The following FAT2 variants were observed in gnomAD, a reference collection of about 807,000 sequenced individuals.
FAT2 encodes the protein FAT atypical cadherin 2.
FAT2 carries 150 observed loss-of-function variants against 295.3 expected under a neutral mutation model. That is an observed-to-expected ratio of 0.51 (90% confidence interval 0.44 to 0.58). The LOEUF (loss-of-function observed/expected upper bound fraction) is 0.58, where lower values mean the gene tolerates loss of function less well. Ranked by LOEUF, FAT2 falls within the 20% of genes least tolerant of loss-of-function variation. The pLI is 0.00. For missense variants in FAT2, 4,868 were observed against 5,442.7 expected, an observed-to-expected ratio of 0.89 and a Z score of 3.32; for synonymous variants, 2,026 against 2,150.3, an observed-to-expected ratio of 0.94 and a Z score of 1.60.
intron 7 of FAT2, 39 bp from the exon 8 acceptor site, chr5:151,550,910 C>A: frequency 6.3e-7 from 1 of 1,596,710 alleles, no homozygotes; most frequent in Non-Finnish European, 8.5e-7. Context: ...ACTGCAAGCC[C>A]CAGGGGAACA....
intron 1 of FAT2, among the ~76,000 whole-genome samples, chr5:151,583,861 G>A (rs147319989): frequency 1.3e-4 from 19 of 151,708 alleles, no homozygotes; most frequent in Middle Eastern, 3.4e-3. Flanking sequence ...AGCTGGGTGC[G>A]ATGACACACA....
intron 21 of FAT2, chr5:151,511,844 G>C: frequency 3.4e-6 from 1 of 294,644 alleles, no homozygotes; most frequent in Non-Finnish European, 6.3e-6. Flanking sequence ...ATAAGTTAAA[G>C]GGGAATGAGA....
intron 9 of FAT2, 120 bp downstream of exon 9, chr5:151,549,175 T>C (rs1228934694): frequency 2.3e-6 from 2 of 872,862 alleles, no homozygotes; most frequent in Non-Finnish European, 3.5e-6. Context: ...CTAGAATTAT[T>C]GTTTGCCAAG....
Position 151,567,134 on chromosome 5 carries a change from C to T in FAT2, c.1798G>A (p.Glu600Lys), listed in dbSNP as rs577408443. The T allele has an allele frequency of 1.3e-5, 21 of 1,614,004 alleles. No homozygotes were observed. The highest frequency in any genetic ancestry group is 3.3e-5 in the Admixed American group (2 of 60,006). Residue 600 changes from glutamate to lysine, a missense_variant, in exon 2 of 24, where the codon GAG (glutamate) becomes AAG (lysine). This residue lies in a region of FAT2 where 3,297 missense variants were observed against 3,669.4 expected (regional missense o/e 0.90). Coordinates refer to ENST00000261800, the MANE Select transcript of FAT2 (RefSeq NM_001447.3). ...DVDELQNLKY[E>K]IVSGNELEYF... Reference sequence around the variant, plus strand: ...TCTAGTTCATTGCCTGATACAATCTCGTATTTTAGGTTCTGAAGCTCATCC... The same window carrying T: ...TCTAGTTCATTGCCTGATACAATCTTGTATTTTAGGTTCTGAAGCTCATCC...
chr5:151,528,217 C>T (rs1048629687), intron 15 of FAT2, 84 bp from the exon 16 acceptor site: 4 of 1,512,182 alleles, frequency 2.6e-6, no homozygotes, highest in Non-Finnish European at 3.6e-6. Context: ...ATGTCCCTGC[C>T]CCAGTGACTG....
rs111796070 is a variant in FAT2 at position 151,540,484 on chromosome 5, T to A, written c.9039+83A>T. The A allele has an allele frequency of 9.2e-5, 120 of 1,305,152 alleles. No individual in the cohort carries two copies. In the African/African-American group the frequency reaches 1.6e-3, roughly 17 times the overall value. The allele number at this position is 1,305,152 out of a possible 1,614,324, so 80.8% of individuals were successfully genotyped here. A position where few individuals can be genotyped will look rare whatever the true frequency, so the allele number is the denominator to read the frequency against. ...TCCTGCCCCTCAATCTCCCTTCTCC[T>A]GCTCCTCACTCTCTGTTCTCCCACC... On this transcript the variant is annotated intron_variant, in intron 11 of 23. Coordinates refer to ENST00000261800, the MANE Select transcript of FAT2 (RefSeq NM_001447.3).
chr5:151,522,380 T>C lies in FAT2; in HGVS notation c.10507-294A>G, dbSNP rs528509318. ...CTCTCTGAGCCTCTTCCTAAATCTC[T>C]CCAGCCATAGACTTGGGCTAACTTC... On this transcript the variant is annotated intron_variant, in intron 18 of 23. Transcript: ENST00000261800. 1.2e-4 allele frequency among the ~76,000 whole-genome samples: 19 copies of C among 152,348 alleles called. No homozygotes were observed. In the South Asian group the frequency reaches 3.9e-3, roughly 32 times the overall value.
chr5:151,512,585 G>C lies in FAT2; in HGVS notation c.11485C>G (p.Leu3829Val). 1 of 1,610,784 alleles carries C rather than the reference G, an allele frequency of 6.2e-7. No homozygotes were observed. The highest frequency in any genetic ancestry group is 8.5e-7 in the Non-Finnish European group (1 of 1,178,004). The part of the protein sequence containing the change: ...SLKLASGVPQ[L>V]EYHCLGGFYG... ...AAACCACCCAGACAGTGGTATTCCAGCTGGGGCACTCCACTGGCCAGCTGC... is the reference window on the plus strand; with the variant it reads ...AAACCACCCAGACAGTGGTATTCCACCTGGGGCACTCCACTGGCCAGCTGC... The change falls in exon 21 of 24, where the codon CTG (leucine) becomes GTG (valine). Residue 3829 changes from leucine (L) to valine (V), a missense_variant. This residue lies in a region of FAT2 where 1,046 missense variants were observed against 1,210.1 expected (regional missense o/e 0.86). Coordinates refer to ENST00000261800, the MANE Select transcript of FAT2 (RefSeq NM_001447.3). This position sits in a 1 kb window ranked among gnomAD's most constrained non-coding sequence, Gnocchi z 4.1.
At position 151,563,610 on chromosome 5, in the gene FAT2, G is replaced by A. The variant is rs754838429; in HGVS notation, c.3289C>T (p.Arg1097Ter). 5.0e-6 allele frequency: 8 copies of A among 1,613,934 alleles called. No individual in the cohort carries two copies. Among genetic ancestry groups the A allele is most frequent in the African/African-American group, 2.7e-5 (2 of 74,910 alleles). ...AACCAGTAGTAAGATGCAAATTCTC[G>A]GTCCAGGGGTGCCAGAGTCTGAATC... ...GMIQTLAPLD[R>*]EFASYYWLTV... is the part of the protein sequence containing the mutation. Residue 1097 changes from arginine (R) to a stop codon, truncating the protein, a stop_gained, in exon 3 of 24, where the codon CGA becomes TGA. Transcript: ENST00000261800. LOFTEE classifies it high-confidence loss of function.
rs1393788178 is a variant in FAT2 at position 151,539,631 on chromosome 5, A to G, written c.9039+936T>C. On this transcript the variant is annotated intron_variant, in intron 11 of 23. Coordinates refer to ENST00000261800, the MANE Select transcript of FAT2 (RefSeq NM_001447.3). ...TTATGATAATTTGAGATGTTATAAA[A>G]TTAAAATGTTAGCAGTTTAACTTTA... Among the ~76,000 whole-genome samples, 4 of 152,202 alleles carry G rather than the reference A, an allele frequency of 2.6e-5. No homozygotes were observed. The East Asian group carries it at 5.8e-4, about 22-fold the overall frequency.
chr5:151,545,005 T>C lies in FAT2; in HGVS notation c.6122A>G (p.Glu2041Gly). 6.2e-7 allele frequency: 1 copy of C among 1,614,154 alleles called. No homozygotes were observed. The highest frequency in any genetic ancestry group is 1.1e-5 in the South Asian group (1 of 91,072). The change falls in exon 10 of 24, where the codon GAA (glutamate) becomes GGA (glycine). Residue 2041 changes from glutamate (E) to glycine (G), a missense_variant. This residue lies in a region of FAT2 where 3,297 missense variants were observed against 3,669.4 expected (regional missense o/e 0.90). Coordinates refer to ENST00000261800, the MANE Select transcript of FAT2 (RefSeq NM_001447.3). ...EQQDTHELAVEVRDNRTPQRV... is the reference protein window; with the variant it reads ...EQQDTHELAVGVRDNRTPQRV... ...CTGAGGTGTCCGATTGTCCCTCACT[T>C]CCACTGCCAACTCATGAGTGTCCTG...
At chr5:151,580,682 A>G (rs1488256030) in intron 1 of FAT2, among the ~76,000 whole-genome samples, 1 of 152,244 alleles carries the variant, frequency 6.6e-6, no homozygotes, top group African/African-American at 2.4e-5. Context: ...GTTGAGCAGC[A>G]TTAAAATAAT....
chr5:151,507,434 C>T lies in FAT2; in HGVS notation c.12237G>A (p.Val4079=), dbSNP rs1208002221. 6.2e-7 allele frequency: 1 copy of T among 1,614,102 alleles called. No individual in the cohort carries two copies. The highest frequency in any genetic ancestry group is 1.1e-5 in the South Asian group (1 of 91,078). ...CCAGGAGGTCTGGGTCCTCCATGGCCACAGGCTTGTGAGACTTGCAACGGC... is the reference window on the plus strand; with the variant it reads ...CCAGGAGGTCTGGGTCCTCCATGGCTACAGGCTTGTGAGACTTGCAACGGC... ...YCRRCKSHKP[V]AMEDPDLLAR... The change falls in exon 23 of 24, where the codon GTG becomes GTA. Residue 4079 remains valine, a synonymous_variant. Coordinates refer to ENST00000261800, the MANE Select transcript of FAT2 (RefSeq NM_001447.3).
chr5:151,540,567 C>G lies in FAT2; in HGVS notation c.9039G>C (p.Gln3013His). 2 of 1,611,410 alleles carry G rather than the reference C, an allele frequency of 1.2e-6. No individual in the cohort carries two copies. The highest frequency in any genetic ancestry group is 8.5e-7 in the Non-Finnish European group (1 of 1,178,322). The change falls in exon 11 of 24, where the codon CAG becomes CAC. Residue 3013 changes from glutamine to histidine, a missense_variant and splice_region_variant. Gln to His is a conservative substitution (Grantham distance 24). Coordinates refer to ENST00000261800, the MANE Select transcript of FAT2 (RefSeq NM_001447.3). The part of the protein sequence containing the change: ...DVNDNSPQCS[Q>H]LLYTGKVHED... ...ACTCCACCCCTCGCCAGGCTCTCAC[C>G]TGTGAACACTGTGGGCTGTTATCAT... is the stretch of plus-strand genomic sequence containing the variant.
At chr5:151,580,949 C>G (rs999640215) in intron 1 of FAT2, among the ~76,000 whole-genome samples, 1 of 152,128 alleles carries the variant, frequency 6.6e-6, no homozygotes, top group Non-Finnish European at 1.5e-5. Context: ...AAAAGGAATA[C>G]TGTTCCTCTT....
At position 151,531,551 on chromosome 5, in the gene FAT2, C is replaced by T. The variant is rs780294959; in HGVS notation, c.9811+36G>A. On this transcript the variant is annotated intron_variant, in intron 14 of 23. Coordinates refer to ENST00000261800, the MANE Select transcript of FAT2 (RefSeq NM_001447.3). The surrounding 1 kb of genome is among the most constrained non-coding windows in gnomAD (Gnocchi z 5.7). Reference sequence around the variant, plus strand: ...ACCCAGCGCTCCCAGAAACCCTGTACGCGATGCTTTGGGGCTTGGTGGATC... The same window carrying T: ...ACCCAGCGCTCCCAGAAACCCTGTATGCGATGCTTTGGGGCTTGGTGGATC... 7.5e-6 allele frequency: 12 copies of T among 1,609,484 alleles called. No individual in the cohort carries two copies. The highest frequency in any genetic ancestry group is 1.1e-5 in the South Asian group (1 of 90,560).
intron 19 of FAT2, 110 bp from the exon 20 acceptor site, chr5:151,517,875 AT>A: frequency 7.5e-7 from 1 of 1,331,802 alleles, no homozygotes; most frequent in Non-Finnish European, 1.0e-6. Flanking sequence ...CATTGCTCAT[AT>A]TTTATACATG....
Position 151,545,233 on chromosome 5 carries a change from C to CT in FAT2, c.5893dup (p.Ser1965LysfsTer5), listed in dbSNP as rs1218045001. On this transcript the variant is annotated frameshift_variant, in exon 10 of 24. Transcript: ENST00000261800. LOFTEE classifies it high-confidence loss of function. ...GTAGACATCCTGATCAAACTGCAAG[C>CT]TTTTGTCAAGCACTTGGGTCAAAGA... 6.2e-7 allele frequency: 1 copy of CT among 1,614,164 alleles called. No individual in the cohort carries two copies. Among genetic ancestry groups the CT allele is most frequent in the Admixed American group, 1.7e-5 (1 of 60,018 alleles).
At position 151,567,237 on chromosome 5, in the gene FAT2, T is replaced by C. The variant is rs1400786577; in HGVS notation, c.1695A>G (p.Glu565=). The change falls in exon 2 of 24, where the codon GAA becomes GAG. Residue 565 remains glutamate (E), a synonymous_variant. Coordinates refer to ENST00000261800, the MANE Select transcript of FAT2 (RefSeq NM_001447.3). ...RNLNDNQPMF[E]EVNCTGSIRQ... ...GGATAGACCCTGTACAGTTGACTTCTTCAAACATAGGCTGGTTGTCATTCA... is the reference window on the plus strand; with the variant it reads ...GGATAGACCCTGTACAGTTGACTTCCTCAAACATAGGCTGGTTGTCATTCA... The C allele has an allele frequency of 6.2e-7, 1 of 1,614,200 alleles. No homozygotes were observed. Among genetic ancestry groups the C allele is most frequent in the Non-Finnish European group, 8.5e-7 (1 of 1,180,036 alleles).
Sources: gnomAD v4.1 joint callset for allele counts (sites outside exome capture counted in the v4.1 genomes callset) on GRCh38, gnomAD v4.1.1 for gene constraint, gnomAD v4.1.1 regional missense constraint, Gnocchi (gnomAD v3.1) non-coding constraint, MANE v1.5 for transcripts, NCBI Gene and HGNC (gene_info 2026-07-23, HGNC 2026-07-21) for gene names.